SLC6A6: variants seen among roughly 807,000 people sequenced by gnomAD.
SLC6A6 encodes the protein solute carrier family 6 member 6, also known as sodium- and chloride-dependent taurine transporter.
SLC6A6 carries 16 observed loss-of-function variants against 68.8 expected under a neutral mutation model. The ratio of observed to expected loss-of-function variants is 0.23; its 90% CI spans 0.16 to 0.35. SLC6A6 has a LOEUF of 0.35. SLC6A6 is among the 10% of genes least tolerant of loss of function. The pLI is 1.00. For missense variants in SLC6A6, 474 were observed against 802.8 expected (o/e 0.59, Z 4.95); for synonymous variants, 312 against 315.4 (o/e 0.99, Z 0.12).
chr3:14,473,381 G>A (rs1364534264), intron 10 of SLC6A6, among the ~76,000 whole-genome samples: 3 of 152,102 alleles, frequency 2.0e-5, no homozygotes, highest in African/African-American at 7.2e-5. Flanking sequence ...TCTGGGTCTG[G>A]AGGTCTGAAT....
chr3:14,428,813 G>T (rs1226596290), intron 2 of SLC6A6, among the ~76,000 whole-genome samples: 1 of 152,194 alleles, frequency 6.6e-6, no homozygotes, highest in African/African-American at 2.4e-5. Flanking sequence ...GGGAGGTGGT[G>T]TTTAAGGGAC....
At chr3:14,461,457 G>A (rs1337980119) in intron 6 of SLC6A6, among the ~76,000 whole-genome samples, 1 of 152,228 alleles carries the variant, frequency 6.6e-6, no homozygotes, top group East Asian at 1.9e-4. Flanking sequence ...TAGGGCGTGT[G>A]GCAGGCATGT....
chr3:14,445,625 C>A, intron 3 of SLC6A6, 92 bp from the exon 4 acceptor site: 2 of 1,431,360 alleles, frequency 1.4e-6, no homozygotes, highest in Non-Finnish European at 2.0e-6. Flanking sequence ...CATGCATTCT[C>A]TCTGGTTCCA....
chr3:14,442,823 T>G (rs1700022773), intron 2 of SLC6A6, among the ~76,000 whole-genome samples: 1 of 152,142 alleles, frequency 6.6e-6, no homozygotes, highest in South Asian at 2.1e-4. Flanking sequence ...GAACCTGGCT[T>G]ATAGGATCTA....
At chr3:14,424,239 G>T (rs1699541831) in intron 2 of SLC6A6, among the ~76,000 whole-genome samples, 1 of 151,642 alleles carries the variant, frequency 6.6e-6, no homozygotes, top group South Asian at 2.1e-4. Flanking sequence ...TGGGGCTAGG[G>T]ACCCTGAAAT....
intron 6 of SLC6A6, among the ~76,000 whole-genome samples, chr3:14,465,243 C>T (rs1352849586): frequency 6.6e-6 from 1 of 152,210 alleles, no homozygotes; most frequent in Non-Finnish European, 1.5e-5. Context: ...CCACAAACAG[C>T]GCTTGCAGGA....
intron 3 of SLC6A6, 72 bp downstream of exon 3, chr3:14,443,935 A>T: frequency 9.2e-7 from 1 of 1,089,878 alleles, no homozygotes; most frequent in Non-Finnish European, 1.4e-6. Context: ...CTGGGACCAG[A>T]GCGTGGGTGG....
chr3:14,466,211 G>T (rs1401697997), intron 6 of SLC6A6, among the ~76,000 whole-genome samples: 1 of 149,456 alleles, frequency 6.7e-6, no homozygotes, highest in Non-Finnish European at 1.5e-5. Flanking sequence ...GCAGTGAGCC[G>T]AGATCGTGCC....
In SLC6A6 at chr3:14,443,652, G is replaced by A. The variant is rs1700043016; in HGVS notation, c.18G>A (p.Lys6=). The change falls in exon 3 of 15, where the codon AAG becomes AAA. Residue 6 remains lysine, a synonymous_variant. Transcript: ENST00000622186. MATKE[K]LQCLKDFHKD... is the part of the protein sequence containing the mutation. ...GCAAGGAGATGGCCACCAAGGAGAA[G>A]CTGCAGTGTCTGAAAGATTTCCACA... The A allele has an allele frequency of 6.2e-7, 1 of 1,612,118 alleles. No homozygotes were observed. The highest frequency in any genetic ancestry group is 1.1e-5 in the South Asian group (1 of 91,052).
At chr3:14,448,886 C>A (rs1320977642) in intron 5 of SLC6A6, among the ~76,000 whole-genome samples, 2 of 152,242 alleles carry the variant, frequency 1.3e-5, no homozygotes, top group Non-Finnish European at 2.9e-5. Context: ...AGCCTTGGGG[C>A]TCAGCACTCA....
chr3:14,427,462 TAG>T (rs1446948597), intron 2 of SLC6A6, among the ~76,000 whole-genome samples: 1 of 152,208 alleles, frequency 6.6e-6, no homozygotes, highest in Non-Finnish European at 1.5e-5. Context: ...GCTTCCTGGC[TAG>T]CCCCGCCTTC....
chr3:14,433,644 A>C (rs1265859715), intron 2 of SLC6A6, among the ~76,000 whole-genome samples: 1 of 152,008 alleles, frequency 6.6e-6, no homozygotes, highest in African/African-American at 2.4e-5. Flanking sequence ...TCTACTAAAA[A>C]TACTAAATAA....
chr3:14,404,404 G>T (rs1699060104), intron 1 of SLC6A6, among the ~76,000 whole-genome samples: 1 of 152,160 alleles, frequency 6.6e-6, no homozygotes, highest in Admixed American at 6.5e-5. Context: ...GCCTAGCACG[G>T]CTAAGAACCC....
intron 10 of SLC6A6, among the ~76,000 whole-genome samples, chr3:14,473,642 T>A (rs1015307732): frequency 1.3e-5 from 2 of 152,064 alleles, no homozygotes; most frequent in South Asian, 4.1e-4. Context: ...GGGGGCAGGA[T>A]TAGCAGAGAA....
intron 2 of SLC6A6, among the ~76,000 whole-genome samples, chr3:14,426,234 C>T (rs979684411): frequency 6.6e-6 from 1 of 152,214 alleles, no homozygotes; most frequent in Non-Finnish European, 1.5e-5. Flanking sequence ...GTTACCGATC[C>T]AGACTCCAGT....
chr3:14,447,571 C>G lies in SLC6A6; in HGVS notation c.365-11C>G. The G allele has an allele frequency of 6.2e-7, 1 of 1,614,030 alleles. No homozygotes were observed. The highest frequency in any genetic ancestry group is 8.5e-7 in the Non-Finnish European group (1 of 1,179,888). ...TCAGATGTTTACTCATCTCATTTGC[C>G]CAACCTGCAGGTATCGGCTATGCCT... is the stretch of plus-strand genomic sequence containing the variant. On this transcript the variant is annotated splice_polypyrimidine_tract_variant and intron_variant, in intron 4 of 14. Coordinates refer to ENST00000622186, the MANE Select transcript of SLC6A6 (RefSeq NM_003043.6).
intron 2 of SLC6A6, among the ~76,000 whole-genome samples, chr3:14,426,958 T>G (rs1024130128): frequency 1.3e-5 from 2 of 152,112 alleles, no homozygotes; most frequent in Non-Finnish European, 2.9e-5. Context: ...GGAACCCCTC[T>G]CTGGCTTTAG....
intron 2 of SLC6A6, among the ~76,000 whole-genome samples, chr3:14,417,601 G>A (rs1162743391): frequency 2.6e-5 from 4 of 152,108 alleles, no homozygotes; most frequent in Non-Finnish European, 4.4e-5. Flanking sequence ...ACGTGGTGGC[G>A]GGCGCCTGTA....
intron 5 of SLC6A6, chr3:14,448,056 T>C: frequency 1.6e-6 from 2 of 1,228,654 alleles, no homozygotes; most frequent in Non-Finnish European, 2.2e-6. Context: ...TCAGTTTCTT[T>C]ACCTGTAAGA....
Sources: gnomAD v4.1 joint callset for allele counts (sites outside exome capture counted in the v4.1 genomes callset) on GRCh38, gnomAD v4.1.1 for gene constraint, MANE v1.5 for transcripts, NCBI Gene and HGNC (gene_info 2026-07-23, HGNC 2026-07-21) for gene names.